Variants in TOX3 observed in about 807,000 individuals in gnomAD.
TOX3 encodes CAG trinucleotide repeat-containing gene F9 protein.
TOX3 carries 22 observed loss-of-function variants against 64.3 expected under a neutral mutation model. That is an observed-to-expected ratio of 0.34 (90% CI 0.24 to 0.49). TOX3 has a LOEUF of 0.49. Ranked by LOEUF, TOX3 falls within the 20% of genes least tolerant of loss-of-function variation. The pLI is 0.99. For missense variants in TOX3, 661 were observed against 714.4 expected (o/e 0.93, Z 0.85); for synonymous variants, 291 against 273.6 (o/e 1.06, Z -0.63).
intron 3 of TOX3, among the ~76,000 whole-genome samples, chr16:52,451,381 C>T (rs1567313457): frequency 6.6e-6 from 1 of 152,106 alleles, no homozygotes; most frequent in Admixed American, 6.5e-5. Flanking sequence ...ATTGCAGTTA[C>T]TTCAAATGCA....
At chr16:52,488,166 T>C (rs759771049) in intron 1 of TOX3, among the ~76,000 whole-genome samples, 5 of 152,164 alleles carry the variant, frequency 3.3e-5, no homozygotes, top group Admixed American at 6.5e-5. Context: ...CTTCAGGCTT[T>C]CTCTTCCATT....
chr16:52,526,776 C>G (rs527999656), intron 1 of TOX3, among the ~76,000 whole-genome samples: 1 of 152,318 alleles, frequency 6.6e-6, no homozygotes, highest in African/African-American at 2.4e-5. Context: ...TTGGGAAAAG[C>G]TGGCCTACAA....
intron 1 of TOX3, among the ~76,000 whole-genome samples, chr16:52,510,144 T>TAAA (rs35701412): frequency 1.4e-5 from 2 of 138,644 alleles, no homozygotes; most frequent in Non-Finnish European, 3.1e-5. Context: ...GCCTTGCTGT[T>TAAA]AAAAAAAAAA....
At chr16:52,515,432 A>G (rs1596848753) in intron 1 of TOX3, among the ~76,000 whole-genome samples, 1 of 152,360 alleles carries the variant, frequency 6.6e-6, no homozygotes, top group East Asian at 1.9e-4. Flanking sequence ...CTGAGGTTAC[A>G]TAGCTGGCTG....
At chr16:52,441,564 G>A (rs1027378861) in intron 6 of TOX3, among the ~76,000 whole-genome samples, 29 of 152,204 alleles carry the variant, frequency 1.9e-4, no homozygotes, top group Non-Finnish European at 2.9e-5. Flanking sequence ...TCATTCCAGA[G>A]ACGATTTTTT....
At chr16:52,500,088 G>A (rs1175350573) in intron 1 of TOX3, among the ~76,000 whole-genome samples, 1 of 152,150 alleles carries the variant, frequency 6.6e-6, no homozygotes, top group Non-Finnish European at 1.5e-5. Context: ...AAATGAAAAT[G>A]CTTATCATGG....
chr16:52,510,778 A>AAAAAAAAAAAAG (rs574634087), intron 1 of TOX3, among the ~76,000 whole-genome samples: 28 of 115,142 alleles, frequency 2.4e-4, no homozygotes, highest in East Asian at 5.7e-4. Context: ...AAAAAAAAAA[A>AAAAAAAAAAAAG]AAGAAGAAGA....
chr16:52,453,212 C>T (rs150994476), intron 3 of TOX3, among the ~76,000 whole-genome samples: 25 of 143,764 alleles, frequency 1.7e-4, no homozygotes, highest in African/African-American at 5.8e-4. Flanking sequence ...TAGATGGAGT[C>T]TCGCTCTGTT....
intron 1 of TOX3, among the ~76,000 whole-genome samples, chr16:52,542,481 C>T (rs1963094827): frequency 1.3e-5 from 2 of 151,964 alleles, no homozygotes; most frequent in Admixed American, 1.3e-4. Context: ...CATAAAAACC[C>T]AGATTATCAT....
chr16:52,481,292 T>C (rs1961362774), intron 1 of TOX3, among the ~76,000 whole-genome samples: 1 of 152,210 alleles, frequency 6.6e-6, no homozygotes, highest in Admixed American at 6.5e-5. Flanking sequence ...GCAATGAAGT[T>C]TTCCATTTAT....
rs998523507 is a variant in TOX3, at chr16:52,436,776, G to A, written c.*2449C>T. ...TCATTTAATAGATGTTACAACACCTGCTTCTAACTGCAAACAGTTGAAAAC... is the reference window on the plus strand; with the variant it reads ...TCATTTAATAGATGTTACAACACCTACTTCTAACTGCAAACAGTTGAAAAC... On this transcript the variant is annotated 3_prime_UTR_variant, in exon 7 of 7. Transcript: ENST00000219746. 3 of 152,122 alleles carry A rather than the reference G, an allele frequency of 2.0e-5. No individual in the cohort carries two copies. Among genetic ancestry groups the A allele is most frequent in the Non-Finnish European group, 4.4e-5 (3 of 68,024 alleles). 9.4% of individuals were successfully genotyped at this position (152,122 alleles called of 1,614,324 possible).
At chr16:52,504,816 A>G (rs1962114946) in intron 1 of TOX3, among the ~76,000 whole-genome samples, 2 of 138,144 alleles carry the variant, frequency 1.4e-5, no homozygotes, top group Non-Finnish European at 3.1e-5. Context: ...TATTTAAAGA[A>G]GAGGGTCTTT....
chr16:52,547,098 C>T lies in TOX3; in HGVS notation c.-375G>A, dbSNP rs1963215221. On this transcript the variant is annotated 5_prime_UTR_variant, in exon 1 of 7. Coordinates refer to ENST00000219746, the MANE Select transcript of TOX3 (RefSeq NM_001080430.4). ...GGCGGCGGCGGCGGCTGGCCCCGCT[C>T]CTCCTCCTCCTCCCCGGGCGGACTG... 4.0e-6 allele frequency: 1 copy of T among 252,554 alleles called. No individual in the cohort carries two copies. The highest frequency in any genetic ancestry group is 6.2e-6 in the Non-Finnish European group (1 of 162,406). The allele number at this position is 252,554 out of a possible 1,614,324, so 15.6% of individuals were successfully genotyped here.
chr16:52,481,407 C>G (rs1015774432), intron 1 of TOX3, among the ~76,000 whole-genome samples: 14 of 152,068 alleles, frequency 9.2e-5, no homozygotes, highest in Non-Finnish European at 1.8e-4. Context: ...ATCAATAAAC[C>G]TATAAATTCT....
Position 52,437,711 on chromosome 16 carries a change from A to G in TOX3, c.*1514T>C, listed in dbSNP as rs1440572626. On this transcript the variant is annotated 3_prime_UTR_variant, in exon 7 of 7. Coordinates refer to ENST00000219746, the MANE Select transcript of TOX3 (RefSeq NM_001080430.4). ...CACCATCTATTTTAATCGCAATAAC[A>G]TTACAATACCCAGCTAGTTCTAGCC... Among the ~76,000 whole-genome samples the G allele has an allele frequency of 6.6e-6, 1 of 151,680 alleles. No individual in the cohort carries two copies. Among genetic ancestry groups the G allele is most frequent in the African/African-American group, 2.4e-5 (1 of 41,220 alleles).
chr16:52,511,993 C>G (rs1418858342), intron 1 of TOX3, among the ~76,000 whole-genome samples: 2 of 152,162 alleles, frequency 1.3e-5, no homozygotes, highest in Admixed American at 1.3e-4. Context: ...ATTCCACGTT[C>G]AAGCACCACG....
intron 1 of TOX3, among the ~76,000 whole-genome samples, chr16:52,504,406 G>T (rs1962098802): frequency 6.8e-6 from 1 of 147,492 alleles, no homozygotes; most frequent in Non-Finnish European, 1.5e-5. Flanking sequence ...GGCGGAGCTT[G>T]CAGTGAGCCG....
At chr16:52,451,607 A>G (rs1191884662) in intron 3 of TOX3, among the ~76,000 whole-genome samples, 1 of 152,212 alleles carries the variant, frequency 6.6e-6, no homozygotes, top group Non-Finnish European at 1.5e-5. Flanking sequence ...CAAGCCTATG[A>G]ATTCTTAACT....
intron 1 of TOX3, among the ~76,000 whole-genome samples, chr16:52,497,272 C>G (rs1961874008): frequency 6.6e-6 from 1 of 152,146 alleles, no homozygotes; most frequent in Non-Finnish European, 1.5e-5. Flanking sequence ...AGTACATTAC[C>G]AACCAGTTGT....
Sources: allele counts gnomAD v4.1 joint callset (sites outside exome capture counted in the v4.1 genomes callset), GRCh38; gene constraint gnomAD v4.1.1; transcripts MANE v1.5; gene names NCBI Gene and HGNC (gene_info 2026-07-23, HGNC 2026-07-21).